ORC2: variants seen among roughly 807,000 people sequenced by gnomAD.
ORC2 encodes origin recognition complex protein 2 homolog.
Under a neutral mutation model 77.7 loss-of-function variants are expected in ORC2, and 37 were observed. The ratio of observed to expected loss-of-function variants is 0.48; its 90% CI spans 0.37 to 0.63. The LOEUF is 0.63. Among genes scored for constraint, ORC2 ranks in the 20% least tolerant of loss-of-function variants. The pLI is 0.00. For missense variants in ORC2, 557 were observed against 661.9 expected (o/e 0.84, Z 1.74); for synonymous variants, 201 against 229.5 (o/e 0.88, Z 1.12).
chr2:200,932,799 G>A (rs1199409342), intron 10 of ORC2, among the ~76,000 whole-genome samples: 1 of 152,152 alleles, frequency 6.6e-6, no homozygotes, highest in African/African-American at 2.4e-5. Context: ...ACTGTCATGA[G>A]GATAACATGC....
chr2:200,940,876 T>C (rs757191830), intron 7 of ORC2, among the ~76,000 whole-genome samples: 2 of 152,024 alleles, frequency 1.3e-5, no homozygotes, highest in Non-Finnish European at 2.9e-5. Context: ...ATCTAATGCA[T>C]CTTGGGATCA....
chr2:200,942,388 A>ACTT (rs2041170667), intron 6 of ORC2, among the ~76,000 whole-genome samples: 1 of 152,204 alleles, frequency 6.6e-6, no homozygotes, highest in Non-Finnish European at 1.5e-5. Flanking sequence ...CCCAAAGCCA[A>ACTT]ATCTTCTATA....
intron 6 of ORC2, 31 bp downstream of exon 6, chr2:200,942,654 T>C (rs2125004217): frequency 2.5e-6 from 3 of 1,222,996 alleles, no homozygotes; most frequent in Non-Finnish European, 3.5e-6. Context: ...ACTATGAAAA[T>C]TCTTTTCAAA....
chr2:200,917,159 T>C (rs1333289201), intron 15 of ORC2, among the ~76,000 whole-genome samples: 1 of 151,868 alleles, frequency 6.6e-6, no homozygotes, highest in Non-Finnish European at 1.5e-5. Flanking sequence ...CATGCCCAGC[T>C]GATTTTTTAA....
Position 200,926,234 on chromosome 2 carries a change from T to G in ORC2, c.1051-302A>C, listed in dbSNP as rs80100865. 8.5e-4 allele frequency among the ~76,000 whole-genome samples: 129 copies of G among 152,136 alleles called. No individual in the cohort carries two copies. The East Asian group carries it at 0.021, about 25-fold the overall frequency. On this transcript the variant is annotated intron_variant, in intron 12 of 17. Coordinates refer to ENST00000234296, the MANE Select transcript of ORC2 (RefSeq NM_006190.5). Reference sequence around the variant, plus strand: ...ATGAGAAACATTAGAAAACTACAGTTCTATCAAAGGAAACAGGACACAAAC... The same window carrying G: ...ATGAGAAACATTAGAAAACTACAGTGCTATCAAAGGAAACAGGACACAAAC...
intron 11 of ORC2, among the ~76,000 whole-genome samples, chr2:200,928,913 T>G (rs1237455753): frequency 6.6e-6 from 1 of 152,126 alleles, no homozygotes; most frequent in East Asian, 1.9e-4. Context: ...ACAAAGGCCT[T>G]GTTAAGTCAT....
intron 16 of ORC2, chr2:200,913,692 A>G: frequency 7.4e-7 from 1 of 1,349,998 alleles, no homozygotes; most frequent in African/African-American, 1.5e-5. Context: ...ATCCATAGTT[A>G]GCACAGAAAA....
At chr2:200,956,060 T>A (rs1559024901) in intron 4 of ORC2, among the ~76,000 whole-genome samples, 1 of 152,186 alleles carries the variant, frequency 6.6e-6, no homozygotes, top group Non-Finnish European at 1.5e-5. Context: ...GTTAAAAATA[T>A]AAATATCTTT....
At chr2:200,933,065 C>G (rs1238518580) in intron 10 of ORC2, among the ~76,000 whole-genome samples, 2 of 152,072 alleles carry the variant, frequency 1.3e-5, no homozygotes, top group Non-Finnish European at 2.9e-5. Flanking sequence ...ACTCATGTGT[C>G]CTTCTCCCAT....
In ORC2 at chr2:200,911,142, T is replaced by A; in HGVS notation, c.*159A>T. The A allele has an allele frequency of 1.7e-6, 1 of 593,396 alleles. No homozygotes were observed. Among genetic ancestry groups the A allele is most frequent in the Non-Finnish European group, 3.0e-6 (1 of 330,026 alleles). 36.8% of individuals were successfully genotyped at this position (593,396 alleles called of 1,614,324 possible). ...TACTAGACGGTACCAGCCAGGCTGATCAAAAAGTTCTAATTGAGGACATCC... is the reference window on the plus strand; with the variant it reads ...TACTAGACGGTACCAGCCAGGCTGAACAAAAAGTTCTAATTGAGGACATCC... On this transcript the variant is annotated 3_prime_UTR_variant, in exon 18 of 18. Transcript: ENST00000234296.
intron 9 of ORC2, among the ~76,000 whole-genome samples, chr2:200,934,437 TC>T (rs1380116936): frequency 2.0e-5 from 3 of 151,312 alleles, no homozygotes; most frequent in Non-Finnish European, 4.4e-5. Flanking sequence ...ACCTCAGCCT[TC>T]CAAGTAGCTG....
chr2:200,945,211 G>A (rs2041230211), intron 5 of ORC2, among the ~76,000 whole-genome samples: 3 of 152,232 alleles, frequency 2.0e-5, no homozygotes, highest in African/African-American at 7.2e-5. Flanking sequence ...TGTCATATTT[G>A]TTTTTGATGA....
intron 16 of ORC2, chr2:200,913,642 G>A: frequency 7.6e-7 from 1 of 1,315,420 alleles, no homozygotes; most frequent in Non-Finnish European, 9.7e-7. Flanking sequence ...AATCTCCTAA[G>A]ATGCCTAGAA....
chr2:200,913,597 T>C (rs1361945313), intron 16 of ORC2, 184 bp from the exon 17 acceptor site: 1 of 1,286,702 alleles, frequency 7.8e-7, no homozygotes, highest in Non-Finnish European at 9.8e-7. Flanking sequence ...ATTATTAAAA[T>C]GTTTGTTGAA....
intron 4 of ORC2, among the ~76,000 whole-genome samples, chr2:200,956,418 C>T (rs1450476639): frequency 6.6e-6 from 1 of 152,062 alleles, no homozygotes; most frequent in African/African-American, 2.4e-5. Context: ...TGGACTCAAG[C>T]GATCAATCTG....
chr2:200,912,990 A>C (rs548728227), intron 17 of ORC2, among the ~76,000 whole-genome samples: 126 of 152,330 alleles, frequency 8.3e-4, no homozygotes, highest in African/African-American at 2.7e-3. Flanking sequence ...TACTCAATAA[A>C]TACAGACCAA....
chr2:200,917,077 C>A (rs994326171), intron 15 of ORC2, among the ~76,000 whole-genome samples: 2 of 150,130 alleles, frequency 1.3e-5, no homozygotes, highest in Non-Finnish European at 2.9e-5. Context: ...TCAATGCAAC[C>A]TTTACCTCCT....
At chr2:200,930,376 A>T (rs999080688) in intron 11 of ORC2, among the ~76,000 whole-genome samples, 2 of 152,124 alleles carry the variant, frequency 1.3e-5, no homozygotes, top group African/African-American at 4.8e-5. Context: ...ACGCTGGGAG[A>T]AAAAAATGAT....
chr2:200,943,533 A>G (rs1435787049), intron 5 of ORC2, among the ~76,000 whole-genome samples: 3 of 152,180 alleles, frequency 2.0e-5, no homozygotes, highest in East Asian at 1.9e-4. Context: ...ACCTTTTCCA[A>G]GTTAACTCTC....
Sources: gnomAD v4.1 joint callset for allele counts (sites outside exome capture counted in the v4.1 genomes callset) on GRCh38, gnomAD v4.1.1 for gene constraint, MANE v1.5 for transcripts, NCBI Gene and HGNC (gene_info 2026-07-23, HGNC 2026-07-21) for gene names.